RBL1: variants seen among roughly 807,000 people sequenced by gnomAD.
RBL1 encodes retinoblastoma-like protein 1.
Under a neutral mutation model 123.0 loss-of-function variants are expected in RBL1, and 82 were observed. The ratio of observed to expected loss-of-function variants is 0.67; its 90% CI spans 0.56 to 0.80. The LOEUF is 0.80. Ranked by LOEUF, RBL1 falls within the 30% of genes least tolerant of loss-of-function variation. The pLI is 0.00. For synonymous variants in RBL1, 405 were observed against 441.3 expected, an observed-to-expected ratio of 0.92 and a Z score of 1.03; for missense variants, 1,171 against 1,299.6, an observed-to-expected ratio of 0.90 and a Z score of 1.52.
chr20:37,050,949 G>A (rs1010079529), intron 11 of RBL1, among the ~76,000 whole-genome samples: 1 of 151,822 alleles, frequency 6.6e-6, no homozygotes, highest in South Asian at 2.1e-4. Flanking sequence ...AGAAAATAAT[G>A]CAACAGTACC....
chr20:37,008,716 C>T (rs981382231), intron 19 of RBL1, among the ~76,000 whole-genome samples: 1 of 152,060 alleles, frequency 6.6e-6, no homozygotes, highest in African/African-American at 2.4e-5. Flanking sequence ...GAAGCAATGC[C>T]TTCACCTTAG....
chr20:37,048,990 T>A (rs1006995634), intron 11 of RBL1, among the ~76,000 whole-genome samples: 1 of 149,018 alleles, frequency 6.7e-6, no homozygotes, highest in Admixed American at 6.8e-5. Flanking sequence ...TTACCTGAGG[T>A]CAGGAGTTCG....
intron 1 of RBL1, among the ~76,000 whole-genome samples, chr20:37,092,450 C>T (rs2065664574): frequency 1.3e-5 from 2 of 152,040 alleles, no homozygotes; most frequent in Non-Finnish European, 2.9e-5. Context: ...GCCACTGCAG[C>T]CTCGACCTCC....
chr20:37,002,489 G>A (rs972766564), intron 21 of RBL1, among the ~76,000 whole-genome samples: 50 of 148,884 alleles, frequency 3.4e-4, no homozygotes, highest in Non-Finnish European at 5.6e-4. Context: ...GATTACAGGT[G>A]CCCACCACCA....
At chr20:37,067,173 T>C (rs779917654) in intron 4 of RBL1, 52 bp from the exon 5 acceptor site, 4 of 1,569,114 alleles carry the variant, frequency 2.5e-6, no homozygotes, top group South Asian at 2.4e-5. Context: ...AAACCTCTCA[T>C]GTCAAATAGC....
chr20:37,018,529 A>G (rs533317102), intron 18 of RBL1, among the ~76,000 whole-genome samples, 160 bp from the exon 19 acceptor site: 25 of 152,384 alleles, frequency 1.6e-4, no homozygotes, highest in African/African-American at 5.5e-4. Context: ...AGTATAGATT[A>G]TAACACATAC....
chr20:37,037,814 G>A (rs1246422237), intron 14 of RBL1, among the ~76,000 whole-genome samples: 1 of 151,460 alleles, frequency 6.6e-6, no homozygotes, highest in Non-Finnish European at 1.5e-5. Flanking sequence ...AGCCTCCCAA[G>A]TAGCTGGGAC....
chr20:37,035,166 T>C (rs1222449277), intron 15 of RBL1, 76 bp downstream of exon 15: 2 of 1,341,432 alleles, frequency 1.5e-6, no homozygotes, highest in Non-Finnish European at 2.0e-6. Context: ...AGAAAAACCA[T>C]GTGATCTAAT....
At chr20:37,052,695 A>C (rs919155599) in intron 11 of RBL1, among the ~76,000 whole-genome samples, 4 of 152,126 alleles carry the variant, frequency 2.6e-5, no homozygotes, top group African/African-American at 9.7e-5. Flanking sequence ...TTTTTAGTTG[A>C]GACGGGATTT....
intron 15 of RBL1, 142 bp from the exon 16 acceptor site, chr20:37,033,018 C>CT (rs11311040): frequency 0.12 from 103,018 of 894,510 alleles, 2,146 homozygotes; most frequent in East Asian, 0.26. Context: ...TGACTGAATT[C>CT]TTTTTTTTTT....
At chr20:37,081,878 G>A in intron 2 of RBL1, 2 of 382,092 alleles carry the variant, frequency 5.2e-6, no homozygotes, top group Non-Finnish European at 1.0e-5. Context: ...AAATCTGAGA[G>A]GAGACTCACC....
intron 11 of RBL1, among the ~76,000 whole-genome samples, chr20:37,047,569 A>T (rs1380314730): frequency 6.6e-6 from 1 of 152,234 alleles, no homozygotes; most frequent in East Asian, 1.9e-4. Context: ...AGTTTAGACA[A>T]AACTGTTCAG....
chr20:37,010,191 C>G, intron 19 of RBL1, among the ~76,000 whole-genome samples: 1 of 151,700 alleles, frequency 6.6e-6, no homozygotes, highest in Admixed American at 6.6e-5. Context: ...GACCCCATCT[C>G]GGTCTCCCAA....
intron 18 of RBL1, among the ~76,000 whole-genome samples, chr20:37,019,894 T>C (rs1357420470): frequency 1.3e-5 from 2 of 152,170 alleles, no homozygotes; most frequent in African/African-American, 4.8e-5. Context: ...AAAGGTTTCA[T>C]GGAATTTTCA....
At chr20:37,018,622 T>C (rs1303873138) in intron 18 of RBL1, among the ~76,000 whole-genome samples, 1 of 152,142 alleles carries the variant, frequency 6.6e-6, no homozygotes, top group Admixed American at 6.6e-5. Context: ...AACTAAAGAC[T>C]GATGATCAGG....
At chr20:37,022,607 G>A (rs1255942364) in intron 17 of RBL1, 43 bp downstream of exon 17, 11 of 1,550,296 alleles carry the variant, frequency 7.1e-6, no homozygotes, top group Non-Finnish European at 9.6e-6. Context: ...GATTATACGT[G>A]TGAGCCACCA....
In RBL1 at chr20:37,091,526, G is replaced by A. The variant is rs1045716080; in HGVS notation, c.157-2404C>T. Among the ~76,000 whole-genome samples, 6 of 151,976 alleles carry A rather than the reference G, an allele frequency of 3.9e-5. No individual in the cohort carries two copies. The East Asian group carries it at 1.2e-3, about 29-fold the overall frequency. ...TGTACAAAAAAGGAAAAAATTAGCC[G>A]GGTATGTGGCACGTCTGTAGTTAGA... On this transcript the variant is annotated intron_variant, in intron 1 of 21. Transcript: ENST00000373664.
intron 2 of RBL1, among the ~76,000 whole-genome samples, chr20:37,083,647 A>AAAAAAAAAAAAC: frequency 1.4e-5 from 2 of 146,532 alleles, no homozygotes; most frequent in African/African-American, 2.5e-5. Flanking sequence ...AAAAAAAAAA[A>AAAAAAAAAAAAC]AAAAAAATAC....
Position 37,067,985 on chromosome 20 carries a change from C to T in RBL1, c.491+1G>A, listed in dbSNP as rs1371707117. ...CAATTATATAAGGATTAAGGGCTCACCTCTGCTTCCGGCTTCGTGGTAACT... is the reference window on the plus strand; with the variant it reads ...CAATTATATAAGGATTAAGGGCTCATCTCTGCTTCCGGCTTCGTGGTAACT... On this transcript the variant is annotated splice_donor_variant, in intron 3 of 21. Coordinates refer to ENST00000373664, the MANE Select transcript of RBL1 (RefSeq NM_002895.5). LOFTEE classifies it high-confidence loss of function. The T allele has an allele frequency of 6.2e-7, 1 of 1,613,266 alleles. No homozygotes were observed. The highest frequency in any genetic ancestry group is 8.5e-7 in the Non-Finnish European group (1 of 1,179,806).
Sources: gnomAD v4.1 joint callset for allele counts (sites outside exome capture counted in the v4.1 genomes callset) on GRCh38, gnomAD v4.1.1 for gene constraint, MANE v1.5 for transcripts, NCBI Gene and HGNC (gene_info 2026-07-23, HGNC 2026-07-21) for gene names.